The following ADGRL3 variants were observed in gnomAD, a reference collection of about 807,000 sequenced individuals.
ADGRL3 encodes the protein adhesion G protein-coupled receptor L3.
ADGRL3 carries 62 observed loss-of-function variants against 153.5 expected under a neutral mutation model. The ratio of observed to expected loss-of-function variants is 0.40; its 90% CI spans 0.33 to 0.50. The LOEUF (loss-of-function observed/expected upper bound fraction) is 0.50, where lower values mean the gene tolerates loss of function less well. ADGRL3 is among the 20% of genes least tolerant of loss of function. The probability of loss-of-function intolerance (pLI) is 0.47; values close to 1 mark genes in which losing one functional copy is unlikely to be tolerated. For missense variants in ADGRL3, 1,641 were observed against 1,859.4 expected, an observed-to-expected ratio of 0.88 and a Z score of 2.16; for synonymous variants, 710 against 672.5, an observed-to-expected ratio of 1.06 and a Z score of -0.86.
In ADGRL3 at chr4:62,070,878, A is replaced by C. The variant is rs1184262656; in HGVS notation, c.4602A>C (p.Lys1534Asn). The change falls in exon 27 of 27, where the codon AAA becomes AAC. Residue 1534 changes from lysine to asparagine, a missense_variant. By Grantham distance (94) the Lys-to-Asn change is moderately conservative. Transcript: ENST00000683033. The stretch of plus-strand genomic sequence containing the variant: ...GGACCCCTCCCGAGGGAAGTTCAAA[A>C]GGACCGGCTCATTTGGTCACTAGTC... ...KDGTPPEGSSKGPAHLVTSL is the reference protein window; with the variant it reads ...KDGTPPEGSSNGPAHLVTSL 6 of 1,550,908 alleles carry C rather than the reference A, an allele frequency of 3.9e-6. No homozygotes were observed. The highest frequency in any genetic ancestry group is 5.2e-6 in the Non-Finnish European group (6 of 1,146,528).
At chr4:61,837,373 A>G (rs939705019) in intron 9 of ADGRL3, among the ~76,000 whole-genome samples, 3 of 152,178 alleles carry the variant, frequency 2.0e-5, no homozygotes, top group Admixed American at 2.0e-4. Context: ...CACAAAGGCA[A>G]TTAGAATGTG....
intron 21 of ADGRL3, among the ~76,000 whole-genome samples, chr4:62,027,198 C>A (rs566804765): frequency 5.4e-4 from 82 of 152,074 alleles, no homozygotes; most frequent in Non-Finnish European, 1.0e-3. Context: ...TCTTTCTAGG[C>A]CTGTTTCACA....
intron 8 of ADGRL3, among the ~76,000 whole-genome samples, chr4:61,793,154 G>T (rs1194947093): frequency 2.0e-5 from 3 of 152,098 alleles, no homozygotes; most frequent in Non-Finnish European, 4.4e-5. Flanking sequence ...GCCGGGTGTG[G>T]TGGCTCATGC....
chr4:61,703,198 T>C (rs1214398318), intron 6 of ADGRL3, among the ~76,000 whole-genome samples: 1 of 152,064 alleles, frequency 6.6e-6, no homozygotes, highest in East Asian at 1.9e-4. Context: ...AAAATGGGAG[T>C]AATTATAGTA....
At chr4:61,246,177 A>G (rs962325180) in intron 1 of ADGRL3, among the ~76,000 whole-genome samples, 2 of 151,888 alleles carry the variant, frequency 1.3e-5, no homozygotes, top group African/African-American at 4.8e-5. Context: ...GATTTTTGTT[A>G]TGTAGTGAAA....
intron 2 of ADGRL3, among the ~76,000 whole-genome samples, chr4:61,424,854 G>A (rs2097257353): frequency 1.3e-5 from 2 of 152,104 alleles, no homozygotes; most frequent in Non-Finnish European, 2.9e-5. Flanking sequence ...AAGCTAAGGG[G>A]TAGAGCCACC....
At chr4:61,654,353 A>G (rs1036029374) in intron 5 of ADGRL3, among the ~76,000 whole-genome samples, 1 of 152,098 alleles carries the variant, frequency 6.6e-6, no homozygotes, top group South Asian at 2.1e-4. Context: ...GCGTACAAAT[A>G]TAGCATGATT....
intron 11 of ADGRL3, among the ~76,000 whole-genome samples, chr4:61,899,180 T>G (rs1200392795): frequency 3.0e-5 from 4 of 133,102 alleles, no homozygotes; most frequent in African/African-American, 1.1e-4. Flanking sequence ...AAAACCTTAC[T>G]GAGGACTTTC....
At chr4:62,009,066 A>T (rs1252013598) in intron 21 of ADGRL3, among the ~76,000 whole-genome samples, 1 of 152,082 alleles carries the variant, frequency 6.6e-6, no homozygotes, top group Non-Finnish European at 1.5e-5. Flanking sequence ...GTGTAAGAAC[A>T]CTCTATAATC....
At chr4:61,414,031 A>G (rs1168119329) in intron 2 of ADGRL3, among the ~76,000 whole-genome samples, 4 of 152,206 alleles carry the variant, frequency 2.6e-5, no homozygotes, top group Non-Finnish European at 4.4e-5. Flanking sequence ...GTGAATATTT[A>G]TGTCCAAAAG....
At chr4:61,385,922 T>G (rs1431671304) in intron 2 of ADGRL3, among the ~76,000 whole-genome samples, 1 of 152,128 alleles carries the variant, frequency 6.6e-6, no homozygotes, top group African/African-American at 2.4e-5. Flanking sequence ...TGTGTATGTA[T>G]CTATCTCTTT....
rs548592620 is a variant in ADGRL3, at chr4:61,646,940, G to A, written c.474-29886G>A. On this transcript the variant is annotated intron_variant, in intron 5 of 26. Transcript: ENST00000683033. ...TAGCAATCAGCGAGACTCCGTGGGC[G>A]TAGGACCCTCCGAGCCAGGTGCGGA... Among the ~76,000 whole-genome samples, 137 of 152,310 alleles carry A rather than the reference G, an allele frequency of 9.0e-4. 2 individuals are homozygous for A. Among genetic ancestry groups the A allele is most frequent in the African/African-American group, 3.1e-3 (129 of 41,576 alleles).
intron 1 of ADGRL3, among the ~76,000 whole-genome samples, chr4:61,245,108 C>G (rs1284605246): frequency 6.6e-6 from 1 of 151,988 alleles, no homozygotes; most frequent in Non-Finnish European, 1.5e-5. Flanking sequence ...TCCTTCTTGT[C>G]CTCTTCTCTC....
At chr4:61,755,900 T>A (rs1457450776) in intron 8 of ADGRL3, among the ~76,000 whole-genome samples, 1 of 152,206 alleles carries the variant, frequency 6.6e-6, no homozygotes, top group Non-Finnish European at 1.5e-5. Context: ...TTCTTGTTTT[T>A]GTCAGGTTTG....
At chr4:62,032,796 A>G (rs960240852) in intron 23 of ADGRL3, among the ~76,000 whole-genome samples, 10 of 151,600 alleles carry the variant, frequency 6.6e-5, no homozygotes, top group African/African-American at 9.7e-5. Flanking sequence ...AGATGGTGGT[A>G]GATAACTAAA....
chr4:61,438,673 C>T (rs2097485117), intron 2 of ADGRL3, among the ~76,000 whole-genome samples: 1 of 149,964 alleles, frequency 6.7e-6, no homozygotes, highest in Admixed American at 6.6e-5. Flanking sequence ...GAATTAAATA[C>T]GTTTAGCAGA....
At chr4:61,214,827 C>T (rs1406560113) in intron 1 of ADGRL3, among the ~76,000 whole-genome samples, 3 of 152,024 alleles carry the variant, frequency 2.0e-5, no homozygotes, top group Non-Finnish European at 4.4e-5. Context: ...AGTTCCAGCT[C>T]CTCAGGAGAC....
intron 6 of ADGRL3, chr4:61,677,257 A>T (rs2095226330): frequency 3.2e-6 from 1 of 308,808 alleles, no homozygotes; most frequent in Non-Finnish European, 6.3e-6. Context: ...CCAAGCAGAT[A>T]AGAGGTGAAA....
At chr4:61,677,325 G>T in intron 6 of ADGRL3, 1 of 361,598 alleles carries the variant, frequency 2.8e-6, no homozygotes, top group Non-Finnish European at 5.2e-6. Flanking sequence ...GAATTTGATA[G>T]AATTGTATCT....
Sources: gnomAD v4.1 joint callset for allele counts (sites outside exome capture counted in the v4.1 genomes callset) on GRCh38, gnomAD v4.1.1 for gene constraint, MANE v1.5 for transcripts, NCBI Gene and HGNC (gene_info 2026-07-23, HGNC 2026-07-21) for gene names.